Variants in DOCK3 observed in about 807,000 individuals in gnomAD.
DOCK3 encodes dedicator of cytokinesis protein 3.
A neutral mutation model predicts 265.6 loss-of-function variants in DOCK3; 60 were observed. The observed-to-expected ratio is 0.23, with a 90% confidence interval of 0.18 to 0.28. The LOEUF is 0.28. DOCK3 is among the 10% of genes least tolerant of loss of function. The pLI is 1.00. For missense variants in DOCK3, 1,981 were observed against 2,594.3 expected, an observed-to-expected ratio of 0.76 and a Z score of 5.14; for synonymous variants, 881 against 938.0, an observed-to-expected ratio of 0.94 and a Z score of 1.11.
Position 51,146,579 on chromosome 3 carries a change from T to C in DOCK3, c.777T>C (p.Asn259=). 2 of 1,599,414 alleles carry C rather than the reference T, an allele frequency of 1.3e-6. No individual in the cohort carries two copies. Among genetic ancestry groups the C allele is most frequent in the Non-Finnish European group, 1.7e-6 (2 of 1,172,472 alleles). ...SERFLVRLNK[N]GGPRNPEKIE... is the part of the protein sequence containing the mutation. Reference sequence around the variant, plus strand: ...GGTTTCTGGTAAGACTGAACAAGAATGGTGGGCCGAGGAACCCAGAGAAGA... The same window carrying C: ...GGTTTCTGGTAAGACTGAACAAGAACGGTGGGCCGAGGAACCCAGAGAAGA... The change falls in exon 10 of 53, where the codon AAT becomes AAC. Residue 259 remains asparagine, a synonymous_variant. Coordinates refer to ENST00000266037, the MANE Select transcript of DOCK3 (RefSeq NM_004947.5).
At chr3:51,017,386 T>C (rs1482316761) in intron 5 of DOCK3, among the ~76,000 whole-genome samples, 4 of 151,710 alleles carry the variant, frequency 2.6e-5, no homozygotes, top group Non-Finnish European at 4.4e-5. Context: ...TTATTATTTC[T>C]TTTCACTGGC....
At chr3:50,908,516 TGTA>T (rs2107893435) in intron 4 of DOCK3, among the ~76,000 whole-genome samples, 1 of 152,208 alleles carries the variant, frequency 6.6e-6, no homozygotes, top group East Asian at 1.9e-4. Flanking sequence ...TCAGTTTCCT[TGTA>T]GTTGTGAGGG....
chr3:51,170,258 T>C (rs1406871438), intron 12 of DOCK3, among the ~76,000 whole-genome samples: 1 of 152,136 alleles, frequency 6.6e-6, no homozygotes, highest in South Asian at 2.1e-4. Context: ...ATGTTGGCAT[T>C]GTAAAATGGG....
intron 4 of DOCK3, among the ~76,000 whole-genome samples, chr3:50,919,954 C>T (rs1412221115): frequency 6.6e-6 from 1 of 152,136 alleles, no homozygotes; most frequent in East Asian, 1.9e-4. Flanking sequence ...GAGTTTTTAG[C>T]ATGAAGCGCT....
intron 2 of DOCK3, among the ~76,000 whole-genome samples, chr3:50,812,492 T>C (rs2106781486): frequency 6.6e-6 from 1 of 152,316 alleles, no homozygotes; most frequent in South Asian, 2.1e-4. Flanking sequence ...AAATAAAAGA[T>C]ATTATGGAGA....
intron 9 of DOCK3, among the ~76,000 whole-genome samples, chr3:51,115,428 T>A (rs2083693520): frequency 6.6e-6 from 1 of 152,234 alleles, no homozygotes. Context: ...GCTTGTTGAC[T>A]GCATAAATGT....
At chr3:50,750,788 C>T (rs774256980) in intron 1 of DOCK3, among the ~76,000 whole-genome samples, 1 of 152,220 alleles carries the variant, frequency 6.6e-6, no homozygotes, top group Non-Finnish European at 1.5e-5. Context: ...CCATTTGCTC[C>T]CAGAGTGTGT....
chr3:51,316,832 G>A, intron 32 of DOCK3, among the ~76,000 whole-genome samples: 1 of 152,088 alleles, frequency 6.6e-6, no homozygotes. Flanking sequence ...GAATTGTAGG[G>A]TTCTTTATAT....
At chr3:51,113,771 A>T (rs929678902) in intron 9 of DOCK3, among the ~76,000 whole-genome samples, 4 of 152,132 alleles carry the variant, frequency 2.6e-5, no homozygotes, top group African/African-American at 9.7e-5. Context: ...AGTTCTTTCA[A>T]ACCTTGCTAT....
intron 1 of DOCK3, among the ~76,000 whole-genome samples, chr3:50,708,496 G>A (rs2036555880): frequency 6.6e-6 from 1 of 152,196 alleles, no homozygotes; most frequent in Non-Finnish European, 1.5e-5. Context: ...TGGTTGTAGG[G>A]CCCTAGTGGA....
At chr3:50,889,730 G>T (rs2048552851) in intron 3 of DOCK3, among the ~76,000 whole-genome samples, 2 of 151,984 alleles carry the variant, frequency 1.3e-5, no homozygotes, top group South Asian at 4.1e-4. Context: ...TGTTTCTGGA[G>T]AGTGAATTGA....
chr3:51,172,282 T>C (rs2086721646), intron 12 of DOCK3, among the ~76,000 whole-genome samples: 1 of 152,060 alleles, frequency 6.6e-6, no homozygotes, highest in Non-Finnish European at 1.5e-5. Context: ...TTCCAGCAAT[T>C]ATCCTGCCTC....
intron 1 of DOCK3, among the ~76,000 whole-genome samples, chr3:50,722,031 G>A (rs972444651): frequency 6.6e-6 from 1 of 152,136 alleles, no homozygotes; most frequent in Non-Finnish European, 1.5e-5. Context: ...AAAGAGGACA[G>A]GTCAGGGAGA....
intron 7 of DOCK3, among the ~76,000 whole-genome samples, chr3:51,083,780 C>T (rs886831488): frequency 7.2e-5 from 11 of 152,152 alleles, no homozygotes; most frequent in South Asian, 6.2e-4. Context: ...GCCAAGAGTT[C>T]GAGACCAGCC....
intron 1 of DOCK3, among the ~76,000 whole-genome samples, chr3:50,678,989 AT>A (rs950056775): frequency 2.6e-5 from 4 of 151,552 alleles, no homozygotes; most frequent in African/African-American, 9.7e-5. Context: ...TTGTTTTTGT[AT>A]TTTTAGTAGA....
At chr3:50,857,806 A>G (rs1414520485) in intron 3 of DOCK3, among the ~76,000 whole-genome samples, 2 of 152,258 alleles carry the variant, frequency 1.3e-5, no homozygotes, top group Non-Finnish European at 2.9e-5. Flanking sequence ...GTGGAGAAAT[A>G]GGAATGCTTT....
At chr3:50,905,713 G>A (rs939206515) in intron 4 of DOCK3, among the ~76,000 whole-genome samples, 1 of 152,056 alleles carries the variant, frequency 6.6e-6, no homozygotes, top group Non-Finnish European at 1.5e-5. Flanking sequence ...TGCAAACAGG[G>A]ACAATTTGAC....
At chr3:51,216,286 GA>G (rs2089782730) in intron 14 of DOCK3, among the ~76,000 whole-genome samples, 1 of 152,196 alleles carries the variant, frequency 6.6e-6, no homozygotes, top group Non-Finnish European at 1.5e-5. Flanking sequence ...TCTGTGGAAA[GA>G]AATCTTTTTT....
At chr3:50,869,746 T>C (rs573426819) in intron 3 of DOCK3, among the ~76,000 whole-genome samples, 49 of 152,266 alleles carry the variant, frequency 3.2e-4, no homozygotes, top group Non-Finnish European at 5.4e-4. Context: ...GATGGATTGT[T>C]AGATTATTCA....
Sources: gnomAD v4.1 joint callset for allele counts (sites outside exome capture counted in the v4.1 genomes callset) on GRCh38, gnomAD v4.1.1 for gene constraint, MANE v1.5 for transcripts, NCBI Gene and HGNC (gene_info 2026-07-23, HGNC 2026-07-21) for gene names.